Variants in RASA2 observed in about 807,000 individuals in gnomAD.
RASA2 encodes RAS p21 protein activator 2.
A neutral mutation model predicts 118.2 loss-of-function variants in RASA2; 155 were observed. That is an observed-to-expected ratio of 1.31 (90% CI 1.15 to 1.50). RASA2 has a LOEUF of 1.50. RASA2 is among the 40% of genes most tolerant of loss of function. The probability of loss-of-function intolerance (pLI) is 0.00; values close to 1 mark genes in which losing one functional copy is unlikely to be tolerated. For synonymous variants in RASA2, 353 were observed against 349.1 expected, an observed-to-expected ratio of 1.01 and a Z score of -0.12; for missense variants, 1,016 against 1,009.6, an observed-to-expected ratio of 1.01 and a Z score of -0.09.
intron 5 of RASA2, among the ~76,000 whole-genome samples, chr3:141,549,776 G>A (rs1258867312): frequency 1.3e-5 from 2 of 152,076 alleles, no homozygotes; most frequent in African/African-American, 4.8e-5. Context: ...CTTATTTCAG[G>A]ACTTGGGCAG....
rs1232668497 is a variant in RASA2, at chr3:141,542,490, A to C, written c.527+1881A>C. On this transcript the variant is annotated intron_variant, in intron 5 of 23. Transcript: ENST00000286364. ...CACACAGGAAGTGTTGGAGGCTGGC[A>C]GTTTGATTTTTTTCCCCCAACTTTA... Among the ~76,000 whole-genome samples the C allele has an allele frequency of 2.6e-5, 4 of 152,096 alleles. No individual in the cohort carries two copies. The East Asian group carries it at 7.7e-4, about 29-fold the overall frequency.
rs752317451 is a variant in RASA2 at position 141,540,573 on chromosome 3, C to T, written c.491C>T (p.Thr164Met). The change falls in exon 5 of 24, where the codon ACG becomes ATG. Residue 164 changes from threonine (T) to methionine (M), a missense_variant. Thr to Met is a moderately conservative substitution (Grantham distance 81). Around this residue, in one of 2 missense-constraint regions of RASA2, gnomAD observed 896 missense variants for 836.4 expected, o/e 1.07. Transcript: ENST00000286364. ...GAATTAAAACTGAATGAACTGATAACGGAGAATGGAACTGTATGCCAGCAG... is the reference window on the plus strand; with the variant it reads ...GAATTAAAACTGAATGAACTGATAATGGAGAATGGAACTGTATGCCAGCAG... ...HLELKLNELI[T>M]ENGTVCQQLV... The T allele has an allele frequency of 2.0e-5, 32 of 1,612,528 alleles. No homozygotes were observed. The highest frequency in any genetic ancestry group is 1.6e-4 in the Middle Eastern group (1 of 6,080).
chr3:141,487,972 A>AC (rs1452841870), intron 1 of RASA2, among the ~76,000 whole-genome samples: 1 of 151,956 alleles, frequency 6.6e-6, no homozygotes, highest in Non-Finnish European at 1.5e-5. Flanking sequence ...AAACACAATC[A>AC]CCCAGCCCGC....
rs376050569 is a variant in RASA2 at position 141,513,074 on chromosome 3, A to C, written c.251+794A>C. Among the ~76,000 whole-genome samples, 473 of 149,102 alleles carry C rather than the reference A, an allele frequency of 3.2e-3. 4 individuals carry two copies. Among genetic ancestry groups the C allele is most frequent in the African/African-American group, 0.011 (444 of 39,338 alleles). On this transcript the variant is annotated intron_variant, in intron 2 of 23. Transcript: ENST00000286364. Reference sequence around the variant, plus strand: ...GTGAAACTCCATCTCAGAAAAAAAAAAAAAAACAAAAAAACGAAAAACAGG... The same window carrying C: ...GTGAAACTCCATCTCAGAAAAAAAACAAAAAACAAAAAAACGAAAAACAGG...
chr3:141,497,953 TTTTTAAAA>T (rs1166331452), intron 1 of RASA2, among the ~76,000 whole-genome samples: 1 of 152,160 alleles, frequency 6.6e-6, no homozygotes, highest in Non-Finnish European at 1.5e-5. Context: ...TTAGAAAAAC[TTTTTAAAA>T]TTTTAATACA....
Position 141,552,158 on chromosome 3 carries a change from G to A in RASA2, c.528-1699G>A, listed in dbSNP as rs558004092. Among the ~76,000 whole-genome samples the A allele has an allele frequency of 2.4e-4, 37 of 152,036 alleles. No individual in the cohort carries two copies. The South Asian group carries it at 7.5e-3, about 31-fold the overall frequency. On this transcript the variant is annotated intron_variant, in intron 5 of 23. Coordinates refer to ENST00000286364, the MANE Select transcript of RASA2 (RefSeq NM_006506.5). ...ATGGGCATCCGTGTTTTGGTTTGTG[G>A]GTATTCTTATCGTTTCATAAGTTTT...
rs78326175 is a variant in RASA2 at position 141,500,836 on chromosome 3, G to A, written c.134-11327G>A. ...TTACTCTGTGCTTTTTAAATTTCAAGTGTTGTCTCTCAGATTTTATTTTTT... is the reference window on the plus strand; with the variant it reads ...TTACTCTGTGCTTTTTAAATTTCAAATGTTGTCTCTCAGATTTTATTTTTT... On this transcript the variant is annotated intron_variant, in intron 1 of 23. Transcript: ENST00000286364. Among the ~76,000 whole-genome samples the A allele has an allele frequency of 2.4e-3, 359 of 152,238 alleles. 1 individual carries two copies. Among genetic ancestry groups the A allele is most frequent in the African/African-American group, 7.6e-3 (316 of 41,528 alleles).
At chr3:141,576,937 A>C in intron 14 of RASA2, 63 bp from the exon 15 acceptor site, 3 of 1,122,518 alleles carry the variant, frequency 2.7e-6, no homozygotes, top group Non-Finnish European at 2.6e-6. Flanking sequence ...TATATTTTTT[A>C]ATTTATCATC....
chr3:141,560,109 A>G (rs1327697026), intron 9 of RASA2, 114 bp downstream of exon 9: 1 of 741,000 alleles, frequency 1.3e-6, no homozygotes, highest in African/African-American at 1.8e-5. Context: ...TAATAAGCTA[A>G]ACGTCATTAA....
chr3:141,558,516 G>A (rs1411785397), intron 7 of RASA2, among the ~76,000 whole-genome samples: 1 of 152,096 alleles, frequency 6.6e-6, no homozygotes, highest in Non-Finnish European at 1.5e-5. Context: ...GATCTGTGAG[G>A]AAGCCAAGAT....
intron 11 of RASA2, 116 bp downstream of exon 11, chr3:141,571,670 G>T: frequency 3.0e-6 from 3 of 1,003,390 alleles, no homozygotes; most frequent in Non-Finnish European, 4.2e-6. Flanking sequence ...CTGTATAGTA[G>T]GCTGAAAAGA....
At chr3:141,502,346 G>GT (rs2081796184) in intron 1 of RASA2, among the ~76,000 whole-genome samples, 1 of 152,060 alleles carries the variant, frequency 6.6e-6, no homozygotes, top group African/African-American at 2.4e-5. Flanking sequence ...TTTTCCTGAA[G>GT]TATGAACCAC....
chr3:141,490,210 A>G (rs756808746), intron 1 of RASA2, among the ~76,000 whole-genome samples: 1 of 151,844 alleles, frequency 6.6e-6, no homozygotes, highest in African/African-American at 2.4e-5. Context: ...TAAGGTTGTC[A>G]TATGAACCCT....
chr3:141,594,148 C>T (rs1190489475), intron 19 of RASA2, among the ~76,000 whole-genome samples: 4 of 152,074 alleles, frequency 2.6e-5, no homozygotes, highest in Non-Finnish European at 5.9e-5. Context: ...TTGAAAAGCA[C>T]GATACCTGAC....
chr3:141,509,688 A>T (rs1046807767), intron 1 of RASA2, among the ~76,000 whole-genome samples: 7 of 152,222 alleles, frequency 4.6e-5, no homozygotes, highest in Non-Finnish European at 1.0e-4. Context: ...TGAAAATAGA[A>T]TTGCTAGACA....
At chr3:141,533,275 A>G (rs1255958923) in intron 4 of RASA2, among the ~76,000 whole-genome samples, 10 of 152,180 alleles carry the variant, frequency 6.6e-5, no homozygotes, top group Admixed American at 5.9e-4. Context: ...AAGGCAGTCC[A>G]CTTTAGGGCT....
intron 2 of RASA2, among the ~76,000 whole-genome samples, chr3:141,513,568 TA>T: frequency 6.6e-6 from 1 of 152,356 alleles, no homozygotes; most frequent in East Asian, 1.9e-4. Flanking sequence ...ATTTGACTAA[TA>T]GTTCTTTTTG....
chr3:141,488,249 A>G (rs1237398758), intron 1 of RASA2, among the ~76,000 whole-genome samples: 3 of 151,750 alleles, frequency 2.0e-5, no homozygotes, highest in African/African-American at 7.3e-5. Flanking sequence ...TTATTTTTGC[A>G]TTTGTCGAAA....
intron 4 of RASA2, among the ~76,000 whole-genome samples, chr3:141,538,630 AATTTAACTC>A (rs1381064832): frequency 3.9e-5 from 6 of 152,174 alleles, no homozygotes; most frequent in Non-Finnish European, 8.8e-5. Flanking sequence ...TAATTTCCTT[AATTTAACTC>A]ATAATGCCTT....
Sources: gnomAD v4.1 joint callset for allele counts (sites outside exome capture counted in the v4.1 genomes callset) on GRCh38, gnomAD v4.1.1 for gene constraint, gnomAD v4.1.1 regional missense constraint, MANE v1.5 for transcripts, NCBI Gene and HGNC (gene_info 2026-07-23, HGNC 2026-07-21) for gene names.